Variants in CTSB observed in about 807,000 individuals in gnomAD.
CTSB encodes APP secretase.
CTSB carries 57 observed loss-of-function variants against 44.3 expected under a neutral mutation model. The ratio of observed to expected loss-of-function variants is 1.29; its 90% CI spans 1.04 to 1.60. CTSB has a LOEUF of 1.60. CTSB is among the 40% of genes most tolerant of loss of function. The pLI is 0.00. For missense variants in CTSB, 768 were observed against 443.0 expected (o/e 1.73, Z -6.59); for synonymous variants, 320 against 168.0 (o/e 1.91, Z -7.00).
chr8:11,851,007 A>T (rs768859251), intron 3 of CTSB, 27 bp from the exon 4 acceptor site: 10 of 1,548,450 alleles, frequency 6.5e-6, no homozygotes, highest in Non-Finnish European at 4.4e-6. Flanking sequence ...CTTCATTACA[A>T]GCTCTGATCC....
In CTSB at chr8:11,843,648, C is replaced by G. The variant is rs1422166847; in HGVS notation, c.*1477G>C. ...GCATCCAGGGGGATGTGGTTCCCCACGGGGTAGCATCTTGGTTATGTGAGA... is the reference window on the plus strand; with the variant it reads ...GCATCCAGGGGGATGTGGTTCCCCAGGGGGTAGCATCTTGGTTATGTGAGA... On this transcript the variant is annotated 3_prime_UTR_variant, in exon 10 of 10. Transcript: ENST00000353047. 2.0e-5 allele frequency: 3 copies of G among 152,220 alleles called. No homozygotes were observed. The highest frequency in any genetic ancestry group is 4.4e-5 in the Non-Finnish European group (3 of 68,052). 9.4% of individuals were successfully genotyped at this position (152,220 alleles called of 1,614,324 possible). A position where few individuals can be genotyped will look rare whatever the true frequency, so the allele number is the denominator to read the frequency against.
rs762727745 is a variant in CTSB at position 11,847,803 on chromosome 8, G to A, written c.552C>T (p.Ile184=). Residue 184 remains isoleucine (I), a synonymous_variant, in exon 7 of 10, where the codon ATC becomes ATT. Transcript: ENST00000353047. The part of the protein sequence containing the change: ...ESHVGCRPYS[I]PPCEHHVNGS... ...CGTTGACGTGGTGCTCACAGGGAGG[G>A]ATGGAGTACGGTCTGCACCCTGATG... The A allele has an allele frequency of 5.6e-6, 9 of 1,598,210 alleles. No individual in the cohort carries two copies. The highest frequency in any genetic ancestry group is 3.7e-5 in the Admixed American group (2 of 53,986).
rs1388226927 is a variant in CTSB, at chr8:11,843,818, G to A, written c.*1307C>T. Reference sequence around the variant, plus strand: ...GGCTGAGGCAGGCAGACCACCTGAGGCCGGGAGTTTGAAACTAGCCTGGCC... The same window carrying A: ...GGCTGAGGCAGGCAGACCACCTGAGACCGGGAGTTTGAAACTAGCCTGGCC... On this transcript the variant is annotated 3_prime_UTR_variant, in exon 10 of 10. Coordinates refer to ENST00000353047, the MANE Select transcript of CTSB (RefSeq NM_001908.5). 6.6e-6 allele frequency: 1 copy of A among 152,258 alleles called. No homozygotes were observed. The highest frequency in any genetic ancestry group is 1.5e-5 in the Non-Finnish European group (1 of 68,072). 9.4% of individuals were successfully genotyped at this position (152,258 alleles called of 1,614,324 possible). A position where few individuals can be genotyped will look rare whatever the true frequency, so the allele number is the denominator to read the frequency against.
chr8:11,848,721 G>A (rs543249806), intron 5 of CTSB: 26 of 304,850 alleles, frequency 8.5e-5, no homozygotes, highest in Non-Finnish European at 1.4e-4. Flanking sequence ...ATAAGGAAAT[G>A]CCCCAAACTG....
At chr8:11,852,493 G>C (rs758907136) in intron 3 of CTSB, 117 bp downstream of exon 3, 2 of 644,212 alleles carry the variant, frequency 3.1e-6, no homozygotes, top group Non-Finnish European at 5.3e-6. Flanking sequence ...GGTGTCGGCA[G>C]CCCTGGGCAG....
rs1028149427 is a variant in CTSB, at chr8:11,844,906, G to A, written c.*219C>T. On this transcript the variant is annotated 3_prime_UTR_variant, in exon 10 of 10. Coordinates refer to ENST00000353047, the MANE Select transcript of CTSB (RefSeq NM_001908.5). ...GGCACTAGTCTACAGGGGGAAGGAC[G>A]CTCTGTGCTGGCAGCGGTGGCTCAC... The A allele has an allele frequency of 8.2e-5, 46 of 561,204 alleles. No individual in the cohort carries two copies. The highest frequency in any genetic ancestry group is 6.5e-4 in the South Asian group (29 of 44,656). 34.8% of individuals were successfully genotyped at this position (561,204 alleles called of 1,614,324 possible).
chr8:11,863,817 ACTG>A (rs1463231648), intron 1 of CTSB, among the ~76,000 whole-genome samples: 5 of 152,220 alleles, frequency 3.3e-5, no homozygotes, highest in Non-Finnish European at 7.3e-5. Flanking sequence ...AACTCTGCAC[ACTG>A]CTGGGCGAGT....
intron 1 of CTSB, among the ~76,000 whole-genome samples, chr8:11,859,849 CG>C (rs1816124306): frequency 6.9e-6 from 1 of 145,778 alleles, no homozygotes; most frequent in Non-Finnish European, 1.5e-5. Flanking sequence ...CTGAGGCAGG[CG>C]GATCACGAGG....
intron 3 of CTSB, among the ~76,000 whole-genome samples, chr8:11,851,622 G>A (rs141471507): frequency 3.5e-4 from 54 of 152,254 alleles, no homozygotes; most frequent in African/African-American, 1.2e-3. Context: ...CTGCTCTCCT[G>A]CCTCAACCTC....
chr8:11,861,835 A>G (rs73534706), intron 1 of CTSB, among the ~76,000 whole-genome samples: 2,450 of 152,292 alleles, frequency 0.016, 72 homozygotes, highest in African/African-American at 0.054. Context: ...AGCTTGCAGA[A>G]CACGGCGGTT....
chr8:11,858,467 T>G (rs1474579858), intron 1 of CTSB, among the ~76,000 whole-genome samples: 3 of 152,102 alleles, frequency 2.0e-5, no homozygotes, highest in African/African-American at 7.2e-5. Flanking sequence ...GCTTTGTATT[T>G]TTTGTAGAGA....
chr8:11,860,907 T>A (rs1179281920), intron 1 of CTSB, among the ~76,000 whole-genome samples: 1 of 152,210 alleles, frequency 6.6e-6, no homozygotes, highest in Admixed American at 6.5e-5. Context: ...GCGAGTTTCA[T>A]CTTCCCCTAC....
chr8:11,846,494 G>C (rs1449973518), intron 8 of CTSB: 1 of 152,718 alleles, frequency 6.5e-6, no homozygotes, highest in Admixed American at 6.5e-5. Flanking sequence ...TGGAGCAAGG[G>C]ATTTCTAAGA....
rs540083337 is a variant in CTSB, at chr8:11,849,273, C to T, written c.328-109G>A. ...ACCTCAGACCTTGTAGGCAACTGAT[C>T]TCTCAACACCAGGGGACGCTCCTGG... is the stretch of plus-strand genomic sequence containing the variant. On this transcript the variant is annotated intron_variant, in intron 4 of 9. Coordinates refer to ENST00000353047, the MANE Select transcript of CTSB (RefSeq NM_001908.5). 7 of 736,648 alleles carry T rather than the reference C, an allele frequency of 9.5e-6. No homozygotes were observed. In the East Asian group the frequency reaches 1.6e-4, roughly 17 times the overall value. The allele number at this position is 736,648 out of a possible 1,614,324, so 45.6% of individuals were successfully genotyped here. A position where few individuals can be genotyped will look rare whatever the true frequency, so the allele number is the denominator to read the frequency against.
At chr8:11,851,251 G>A (rs531799004) in intron 3 of CTSB, among the ~76,000 whole-genome samples, 55 of 152,218 alleles carry the variant, frequency 3.6e-4, no homozygotes, top group Non-Finnish European at 8.8e-5. Flanking sequence ...GTGCAGTGGC[G>A]AGATCTCTGC....
At chr8:11,861,001 C>T (rs1457513692) in intron 1 of CTSB, among the ~76,000 whole-genome samples, 1 of 152,230 alleles carries the variant, frequency 6.6e-6, no homozygotes, top group African/African-American at 2.4e-5. Flanking sequence ...TCTGTTGTGA[C>T]CCAGAGACCT....
chr8:11,853,860 G>A (rs1004312091), intron 1 of CTSB: 2 of 163,530 alleles, frequency 1.2e-5, no homozygotes, highest in Non-Finnish European at 2.7e-5. Flanking sequence ...CACCCTAAGT[G>A]GAGGACCCAG....
intron 2 of CTSB, 149 bp downstream of exon 2, chr8:11,853,180 G>A: frequency 9.4e-7 from 1 of 1,063,872 alleles, no homozygotes; most frequent in Non-Finnish European, 1.4e-6. Context: ...GTGGTCCAGA[G>A]CCGACATGAC....
intron 3 of CTSB, among the ~76,000 whole-genome samples, chr8:11,852,281 G>C (rs375003496): frequency 1.3e-5 from 2 of 152,284 alleles, no homozygotes; most frequent in East Asian, 3.9e-4. Flanking sequence ...TGTGGCATGA[G>C]AATCGCTTGA....
Sources: allele counts gnomAD v4.1 joint callset (sites outside exome capture counted in the v4.1 genomes callset), GRCh38; gene constraint gnomAD v4.1.1; transcripts MANE v1.5; gene names NCBI Gene and HGNC (gene_info 2026-07-23, HGNC 2026-07-21).